Variants in USP48 observed in about 807,000 individuals in gnomAD.
USP48 encodes ubiquitin specific peptidase 48, also known as ubiquitin carboxyl-terminal hydrolase 48.
A neutral mutation model predicts 150.7 loss-of-function variants in USP48; 43 were observed. The observed-to-expected ratio is 0.29, with a 90% CI of 0.22 to 0.37. USP48 has a LOEUF of 0.37. Among genes scored for constraint, USP48 ranks in the 10% least tolerant of loss-of-function variants. The probability of loss-of-function intolerance (pLI) is 1.00; values close to 1 mark genes in which losing one functional copy is unlikely to be tolerated. For missense variants in USP48, 813 were observed against 1,249.6 expected (o/e 0.65, Z 5.27); for synonymous variants, 396 against 425.9 (o/e 0.93, Z 0.86).
chr1:21,755,809 C>A (rs1006633963), intron 3 of USP48, among the ~76,000 whole-genome samples: 4 of 151,654 alleles, frequency 2.6e-5, no homozygotes, highest in African/African-American at 9.7e-5. Flanking sequence ...GACAGGAGGA[C>A]TGCTTAAGGC....
At chr1:21,698,450 G>C (rs2097644360) in intron 22 of USP48, among the ~76,000 whole-genome samples, 1 of 152,034 alleles carries the variant, frequency 6.6e-6, no homozygotes, top group African/African-American at 2.4e-5. Context: ...CATACACTTT[G>C]AAAAAATTGC....
At chr1:21,771,745 C>A (rs2097881331) in intron 1 of USP48, among the ~76,000 whole-genome samples, 1 of 151,990 alleles carries the variant, frequency 6.6e-6, no homozygotes, top group South Asian at 2.1e-4. Flanking sequence ...CACGGAGAAA[C>A]CCCGTCTCTA....
chr1:21,683,009 C>T (rs2097570815), intron 25 of USP48, among the ~76,000 whole-genome samples: 2 of 152,040 alleles, frequency 1.3e-5, no homozygotes, highest in African/African-American at 2.4e-5. Context: ...ATCTGTAATC[C>T]AAACACTTCG....
intron 9 of USP48, among the ~76,000 whole-genome samples, chr1:21,735,885 G>GAA (rs10708405): frequency 8.0e-6 from 1 of 124,404 alleles, no homozygotes; most frequent in Non-Finnish European, 1.7e-5. Flanking sequence ...AACAAGAGCG[G>GAA]AAAAAAAAAA....
intron 15 of USP48, 160 bp from the exon 16 acceptor site, chr1:21,707,028 C>T: frequency 1.2e-6 from 1 of 864,776 alleles, no homozygotes; most frequent in South Asian, 2.1e-5. Context: ...TCAAAAACTT[C>T]TGAATTTCCG....
rs2097559110 is a variant in USP48, at chr1:21,679,375, TC to T, written c.*41del. 2 of 1,613,362 alleles carry T rather than the reference TC, an allele frequency of 1.2e-6. No individual in the cohort carries two copies. Among genetic ancestry groups the T allele is most frequent in the Admixed American group, 1.7e-5 (1 of 59,992 alleles). On this transcript the variant is annotated 3_prime_UTR_variant, in exon 27 of 27. Transcript: ENST00000308271. ...ATGCCCTAACATGTCAAACTCCTCT[TC>T]CCCTCTGGTCATTTCTTAGCAGTCA...
intron 6 of USP48, among the ~76,000 whole-genome samples, chr1:21,749,736 G>A (rs2097804326): frequency 6.6e-6 from 1 of 152,062 alleles, no homozygotes; most frequent in African/African-American, 2.4e-5. Flanking sequence ...CTGAGTAGCT[G>A]GGATTATGGC....
chr1:21,764,003 C>A (rs1201820656), intron 1 of USP48, among the ~76,000 whole-genome samples: 1 of 152,194 alleles, frequency 6.6e-6, no homozygotes, highest in African/African-American at 2.4e-5. Flanking sequence ...TCCATTTTAT[C>A]CCTCCTTAGG....
At chr1:21,740,651 A>G (rs951182858) in intron 8 of USP48, among the ~76,000 whole-genome samples, 8 of 152,246 alleles carry the variant, frequency 5.3e-5, no homozygotes, top group South Asian at 2.1e-4. Flanking sequence ...CACATGTCAC[A>G]TCACAAGTCA....
At chr1:21,757,003 G>A in intron 2 of USP48, 2 of 985,260 alleles carry the variant, frequency 2.0e-6, no homozygotes, top group Non-Finnish European at 2.4e-6. Context: ...GATCGGTTTT[G>A]AACAAGCGTA....
intron 12 of USP48, among the ~76,000 whole-genome samples, chr1:21,722,804 C>G (rs1280539244): frequency 6.6e-6 from 1 of 152,160 alleles, no homozygotes; most frequent in Non-Finnish European, 1.5e-5. Flanking sequence ...CACTGCACTC[C>G]AGCCTGGGCA....
At chr1:21,759,450 C>G (rs2152612298) in intron 1 of USP48, among the ~76,000 whole-genome samples, 1 of 152,238 alleles carries the variant, frequency 6.6e-6, no homozygotes, top group East Asian at 1.9e-4. Context: ...GTTAATAATT[C>G]TGAAACACAG....
chr1:21,761,567 T>C (rs1364941747), intron 1 of USP48, among the ~76,000 whole-genome samples: 4 of 152,224 alleles, frequency 2.6e-5, no homozygotes, highest in Non-Finnish European at 4.4e-5. Flanking sequence ...ATTGTTTTAA[T>C]GTTCAGTTTA....
intron 1 of USP48, among the ~76,000 whole-genome samples, chr1:21,762,797 C>T (rs1176506081): frequency 2.2e-5 from 3 of 137,966 alleles, no homozygotes; most frequent in South Asian, 2.5e-4. Flanking sequence ...ACCTGGGAGG[C>T]GGAGGTTGCA....
chr1:21,770,260 G>A (rs1025885544), intron 1 of USP48, among the ~76,000 whole-genome samples: 1 of 151,766 alleles, frequency 6.6e-6, no homozygotes, highest in East Asian at 1.9e-4. Flanking sequence ...AGAAGCAGAA[G>A]GAATGACAAT....
chr1:21,728,181 ATGTC>A (rs1481358602), intron 11 of USP48: 1 of 994,818 alleles, frequency 1.0e-6, no homozygotes, highest in African/African-American at 1.7e-5. Context: ...ATATAATAGA[ATGTC>A]TGTTAAAACT....
At chr1:21,717,221 T>C (rs2097707022) in intron 14 of USP48, among the ~76,000 whole-genome samples, 1 of 151,318 alleles carries the variant, frequency 6.6e-6, no homozygotes. Context: ...CTGAGCAACA[T>C]GGCGAAACCC....
Position 21,695,210 on chromosome 1 carries a change from T to C in USP48, c.2739A>G (p.Gly913=). Residue 913 remains glycine (G), a synonymous_variant, in exon 23 of 27, where the codon GGA becomes GGG. Coordinates refer to ENST00000308271, the MANE Select transcript of USP48 (RefSeq NM_032236.8). ...KDPDFNQSNG[G]TKRQKISHQN... is the part of the protein sequence containing the mutation. The stretch of plus-strand genomic sequence containing the variant: ...GATGGGATATCTTTTGCCGCTTTGT[T>C]CCACCATTGCTCTATAATGAAGATT... The C allele has an allele frequency of 6.2e-7, 1 of 1,611,528 alleles. No individual in the cohort carries two copies. Among genetic ancestry groups the C allele is most frequent in the Non-Finnish European group, 8.5e-7 (1 of 1,179,194 alleles).
At chr1:21,751,660 G>C (rs1188561480) in intron 5 of USP48, 45 bp from the exon 6 acceptor site, 43 of 1,451,300 alleles carry the variant, frequency 3.0e-5, no homozygotes, top group Non-Finnish European at 4.0e-5. Context: ...AGTGTGAAAA[G>C]CAACAAAGTT....
Sources: gnomAD v4.1 joint callset for allele counts (sites outside exome capture counted in the v4.1 genomes callset) on GRCh38, gnomAD v4.1.1 for gene constraint, MANE v1.5 for transcripts, NCBI Gene and HGNC (gene_info 2026-07-23, HGNC 2026-07-21) for gene names.